The following BAZ1A variants were observed in gnomAD, a reference collection of about 807,000 sequenced individuals.
BAZ1A encodes the protein bromodomain adjacent to zinc finger domain protein 1A.
BAZ1A carries 50 observed loss-of-function variants against 185.2 expected under a neutral mutation model. That is an observed-to-expected ratio of 0.27 (90% CI 0.22 to 0.34). The LOEUF (loss-of-function observed/expected upper bound fraction) is 0.34. Among genes scored for constraint, BAZ1A ranks in the 10% least tolerant of loss-of-function variants. BAZ1A has a pLI of 1.00. For synonymous variants in BAZ1A, 571 were observed against 615.6 expected (o/e 0.93, Z 1.07); for missense variants, 1,356 against 1,839.9 (o/e 0.74, Z 4.81).
chr14:34,861,983 T>G (rs947593261), intron 3 of BAZ1A, 61 bp downstream of exon 3: 1 of 1,546,984 alleles, frequency 6.5e-7, no homozygotes, highest in Non-Finnish European at 8.8e-7. Flanking sequence ...ACTTTGTGTG[T>G]TTTGGATTTT....
rs114455145 is a variant in BAZ1A at position 34,771,682 on chromosome 14, T to C, written c.3153-23A>G. 4.4e-5 allele frequency: 71 copies of C among 1,604,208 alleles called. No individual in the cohort carries two copies. In the African/African-American group the frequency reaches 9.4e-4, roughly 21 times the overall value. On this transcript the variant is annotated intron_variant, in intron 20 of 26. Transcript: ENST00000360310. Reference sequence around the variant, plus strand: ...AGTCTACAATTAAAACAATTAAGAGTTTATGGTACTTAAAAACACTATTAG... The same window carrying C: ...AGTCTACAATTAAAACAATTAAGAGCTTATGGTACTTAAAAACACTATTAG...
At chr14:34,844,419 T>C (rs1318884855) in intron 3 of BAZ1A, among the ~76,000 whole-genome samples, 1 of 151,746 alleles carries the variant, frequency 6.6e-6, no homozygotes, top group African/African-American at 2.4e-5. Flanking sequence ...ATTCGAAGAG[T>C]TAATATTGTT....
chr14:34,804,424 T>C (rs1039713287), intron 6 of BAZ1A, among the ~76,000 whole-genome samples: 57 of 152,202 alleles, frequency 3.7e-4, no homozygotes, highest in African/African-American at 1.4e-3. Flanking sequence ...TTTACTGAAA[T>C]ACCTTTCAGG....
intron 2 of BAZ1A, among the ~76,000 whole-genome samples, chr14:34,864,856 A>G (rs1234909700): frequency 1.3e-5 from 2 of 150,832 alleles, no homozygotes; most frequent in African/African-American, 4.9e-5. Context: ...GGCTCACTGC[A>G]ACCTCCGCCT....
In BAZ1A at chr14:34,785,901, T is replaced by G. The variant is rs1880410274; in HGVS notation, c.1707A>C (p.Ala569=). The change falls in exon 14 of 27, where the codon GCA becomes GCC. Residue 569 remains alanine (A), a synonymous_variant. Transcript: ENST00000360310. ...CTCCTCGTTTTTGATATCTATACTT[T>G]GCATTTGCTGATGTTACATCAGCAC... The part of the protein sequence containing the change: ...ASGADVTSAN[A]KYRYQKRGGF... The G allele has an allele frequency of 6.2e-7, 1 of 1,614,018 alleles. No homozygotes were observed. Among genetic ancestry groups the G allele is most frequent in the African/African-American group, 1.3e-5 (1 of 74,928 alleles).
chr14:34,849,154 G>A (rs2042560186), intron 3 of BAZ1A, among the ~76,000 whole-genome samples: 1 of 152,176 alleles, frequency 6.6e-6, no homozygotes, highest in Non-Finnish European at 1.5e-5. Context: ...GCCAGGTGTG[G>A]TGGCACATGC....
chr14:34,863,351 C>T (rs567206329), intron 2 of BAZ1A, among the ~76,000 whole-genome samples: 7 of 151,650 alleles, frequency 4.6e-5, no homozygotes, highest in Admixed American at 6.6e-5. Context: ...TTAGTAGAGA[C>T]GGGGTTTCTC....
chr14:34,792,952 A>G, intron 11 of BAZ1A, 31 bp from the exon 12 acceptor site: 1 of 1,587,354 alleles, frequency 6.3e-7, no homozygotes, highest in South Asian at 1.2e-5. Context: ...ATGAATTTAA[A>G]GTTCTGTTCA....
At position 34,862,146 on chromosome 14, in the gene BAZ1A, T is replaced by A. The variant is rs773822783; in HGVS notation, c.290A>T (p.His97Leu). The A allele has an allele frequency of 6.2e-7, 1 of 1,614,158 alleles. No homozygotes were observed. Among genetic ancestry groups the A allele is most frequent in the South Asian group, 1.1e-5 (1 of 91,084 alleles). The change falls in exon 3 of 27, where the codon CAT becomes CTT. Residue 97 changes from histidine (H) to leucine (L), a missense_variant. This residue lies in a region of BAZ1A where 332 missense variants were observed against 395.3 expected (regional missense o/e 0.84). Coordinates refer to ENST00000360310, the MANE Select transcript of BAZ1A (RefSeq NM_013448.3). Reference sequence around the variant, plus strand: ...ACAAATTTCATGTAAGCGCGAACGATGGGTAAGGCTGGTCAAGTATAAAAC... The same window carrying A: ...ACAAATTTCATGTAAGCGCGAACGAAGGGTAAGGCTGGTCAAGTATAAAAC... ...IPVLYLTSLT[H>L]RSRLHEICDD...
At chr14:34,759,171 G>GA (rs1886400019) in intron 24 of BAZ1A, among the ~76,000 whole-genome samples, 1 of 66,466 alleles carries the variant, frequency 1.5e-5, no homozygotes, top group African/African-American at 6.4e-5. Flanking sequence ...TACAGCTACA[G>GA]TTTTTTTTTT....
Position 34,872,941 on chromosome 14 carries a change from A to AAAAAAAAAAAAAACAAC in BAZ1A, c.113+1550_113+1551insGTTGTTTTTTTTTTTTT, listed in dbSNP as rs1555346584. 2.0e-4 allele frequency among the ~76,000 whole-genome samples: 24 copies of AAAAAAAAAAAAAACAAC among 122,608 alleles called. 1 individual carries two copies. Among genetic ancestry groups the AAAAAAAAAAAAAACAAC allele is most frequent in the South Asian group, 2.7e-4 (1 of 3,732 alleles). 80.4% of individuals were successfully genotyped at this position (122,608 alleles called of 152,430 possible). ...AAAAAAAAAAAAAAAAAAAAAAAAA[A>AAAAAAAAAAAAAACAAC]CTTGTCCAATTACCTAATCCAAGTT... On this transcript the variant is annotated intron_variant, in intron 2 of 26. Coordinates refer to ENST00000360310, the MANE Select transcript of BAZ1A (RefSeq NM_013448.3).
intron 1 of BAZ1A, 22 bp downstream of exon 1, chr14:34,875,116 C>G: frequency 2.7e-6 from 1 of 365,242 alleles, no homozygotes; most frequent in East Asian, 7.4e-5. Flanking sequence ...CCGGCGCCGG[C>G]CGGCTCCCGA....
chr14:34,865,252 T>A (rs907221624), intron 2 of BAZ1A, among the ~76,000 whole-genome samples: 15 of 152,014 alleles, frequency 9.9e-5, no homozygotes, highest in African/African-American at 2.9e-4. Flanking sequence ...TGAAAAAAAA[T>A]TTTTTTATAT....
chr14:34,754,176 C>G (rs1886136597), intron 26 of BAZ1A, among the ~76,000 whole-genome samples: 1 of 149,676 alleles, frequency 6.7e-6, no homozygotes, highest in Non-Finnish European at 1.5e-5. Flanking sequence ...CACTTGAACC[C>G]AGGAGGCAGA....
At chr14:34,828,293 C>CAAAA (rs369878009) in intron 3 of BAZ1A, among the ~76,000 whole-genome samples, 104 of 83,416 alleles carry the variant, frequency 1.2e-3, no homozygotes, top group African/African-American at 2.1e-3. Context: ...AACTCCGTCT[C>CAAAA]AAAAAAAAAA....
At chr14:34,770,196 C>A (rs1473170079) in intron 21 of BAZ1A, among the ~76,000 whole-genome samples, 1 of 152,104 alleles carries the variant, frequency 6.6e-6, no homozygotes. Flanking sequence ...TCTTGTTGCC[C>A]AGGCTGGAGT....
intron 19 of BAZ1A, among the ~76,000 whole-genome samples, 195 bp from the exon 20 acceptor site, chr14:34,773,921 CT>C (rs1879410252): frequency 6.6e-6 from 1 of 152,120 alleles, no homozygotes; most frequent in African/African-American, 2.4e-5. Context: ...ACCATAATGC[CT>C]TACTTTCTGT....
rs114727392 is a variant in BAZ1A, at chr14:34,823,376, T to A, written c.536+2637A>T. ...CTCAAAAAAAAAAAAAGTTAGTACA[T>A]GGGTCGGGTGCAGTGGTTCACACCT... On this transcript the variant is annotated intron_variant, in intron 4 of 26. Coordinates refer to ENST00000360310, the MANE Select transcript of BAZ1A (RefSeq NM_013448.3). Among the ~76,000 whole-genome samples the A allele has an allele frequency of 6.7e-3, 925 of 138,590 alleles. 17 individuals carry two copies. Among genetic ancestry groups the A allele is most frequent in the African/African-American group, 0.024 (893 of 36,616 alleles). 90.9% of individuals were successfully genotyped at this position (138,590 alleles called of 152,430 possible). A position where few individuals can be genotyped will look rare whatever the true frequency, so the allele number is the denominator to read the frequency against.
At chr14:34,797,141 T>G (rs1466245578) in intron 9 of BAZ1A, among the ~76,000 whole-genome samples, 2 of 152,200 alleles carry the variant, frequency 1.3e-5, no homozygotes, top group African/African-American at 4.8e-5. Flanking sequence ...CACTTAAGAT[T>G]ATTTAATAAC....
Sources: allele counts gnomAD v4.1 joint callset (sites outside exome capture counted in the v4.1 genomes callset), GRCh38; gene constraint gnomAD v4.1.1; regional missense constraint gnomAD v4.1.1; transcripts MANE v1.5; gene names NCBI Gene and HGNC (gene_info 2026-07-23, HGNC 2026-07-21).